Variants in CACNA1E observed in about 807,000 individuals in gnomAD.
CACNA1E encodes the protein calcium voltage-gated channel subunit alpha1 E.
CACNA1E carries 40 observed loss-of-function variants against 259.2 expected under a neutral mutation model. The observed-to-expected ratio is 0.15, with a 90% confidence interval of 0.12 to 0.20. The LOEUF (loss-of-function observed/expected upper bound fraction) is 0.20. Ranked by LOEUF, CACNA1E falls within the 10% of genes least tolerant of loss-of-function variation. The probability of loss-of-function intolerance (pLI) is 1.00; values close to 1 mark genes in which losing one functional copy is unlikely to be tolerated. For synonymous variants in CACNA1E, 1,104 were observed against 1,138.5 expected, an observed-to-expected ratio of 0.97 and a Z score of 0.61; for missense variants, 1,874 against 3,040.1, an observed-to-expected ratio of 0.62 and a Z score of 9.02.
intron 6 of CACNA1E, among the ~76,000 whole-genome samples, chr1:181,616,297 G>A (rs140524400): frequency 8.6e-4 from 131 of 152,182 alleles, no homozygotes; most frequent in South Asian, 2.9e-3. Flanking sequence ...TTCACCCATG[G>A]AGATATCTGG....
intron 17 of CACNA1E, among the ~76,000 whole-genome samples, chr1:181,725,468 A>G (rs1654815286): frequency 6.6e-6 from 1 of 152,248 alleles, no homozygotes; most frequent in Non-Finnish European, 1.5e-5. Flanking sequence ...AAACCATAGC[A>G]TGCTCTGAAG....
At chr1:181,418,468 C>CTAGGTT (rs1658452146) in intron 2 of CACNA1E, among the ~76,000 whole-genome samples, 1 of 152,192 alleles carries the variant, frequency 6.6e-6, no homozygotes, top group Non-Finnish European at 1.5e-5. Flanking sequence ...TGCCCAGTCC[C>CTAGGTT]AGACCTTTGG....
At chr1:181,683,808 T>C (rs2102279462) in intron 7 of CACNA1E, among the ~76,000 whole-genome samples, 1 of 152,358 alleles carries the variant, frequency 6.6e-6, no homozygotes, top group Admixed American at 6.5e-5. Flanking sequence ...ATGGTGTATA[T>C]GCACCACAAT....
intron 3 of CACNA1E, among the ~76,000 whole-genome samples, chr1:181,559,951 A>T (rs1006602187): frequency 2.0e-5 from 3 of 152,252 alleles, no homozygotes; most frequent in African/African-American, 7.2e-5. Flanking sequence ...ACCAGCTTTT[A>T]GGAGACTTCA....
chr1:181,586,366 T>G (rs1378776418), intron 6 of CACNA1E, among the ~76,000 whole-genome samples: 2 of 152,054 alleles, frequency 1.3e-5, no homozygotes, highest in African/African-American at 2.4e-5. Flanking sequence ...TTTGGGAGTT[T>G]TCAGTGTATA....
At chr1:181,365,541 G>A (rs1033648502) in intron 1 of CACNA1E, among the ~76,000 whole-genome samples, 2 of 152,256 alleles carry the variant, frequency 1.3e-5, no homozygotes, top group African/African-American at 4.8e-5. Context: ...GGTCAGGGCA[G>A]CTGCAGCCTA....
At chr1:181,475,162 T>C (rs892768045) in intron 2 of CACNA1E, among the ~76,000 whole-genome samples, 5 of 152,168 alleles carry the variant, frequency 3.3e-5, no homozygotes, top group Non-Finnish European at 7.3e-5. Context: ...ATCCATGCAT[T>C]CAGTGACAAT....
chr1:181,635,867 C>G lies in CACNA1E; in HGVS notation c.952-15471C>G, dbSNP rs192398235. ...CATCTATTCAGTGTGAAACACTGTA[C>G]TAGGTACTAGCTACCTAGAGAAACA... On this transcript the variant is annotated intron_variant, in intron 6 of 47. Transcript: ENST00000367573. Among the ~76,000 whole-genome samples the G allele has an allele frequency of 1.7e-3, 264 of 152,306 alleles. 1 individual carries two copies. The highest frequency in any genetic ancestry group is 6.8e-3 in the Middle Eastern group (2 of 294).
intron 1 of CACNA1E, among the ~76,000 whole-genome samples, chr1:181,497,351 G>A (rs933997311): frequency 2.6e-5 from 4 of 152,140 alleles, no homozygotes; most frequent in African/African-American, 9.7e-5. Context: ...CTGTGAAAAA[G>A]GCTGGGTGCA....
chr1:181,380,947 C>G (rs1655416994), intron 1 of CACNA1E, among the ~76,000 whole-genome samples: 1 of 152,188 alleles, frequency 6.6e-6, no homozygotes, highest in African/African-American at 2.4e-5. Context: ...GCGGGTGGAT[C>G]ACGAGGTCGG....
At chr1:181,594,746 G>A (rs1378836717) in intron 6 of CACNA1E, among the ~76,000 whole-genome samples, 1 of 152,136 alleles carries the variant, frequency 6.6e-6, no homozygotes, top group Admixed American at 6.5e-5. Context: ...ATGGTATTAG[G>A]CAAGTCACGT....
Position 181,755,234 on chromosome 1 carries a change from C to A in CACNA1E, c.3829-3C>A. Reference sequence around the variant, plus strand: ...ACAGCAGGGCTGTTTGCTCTGTCCACAGGCCGTCTTCGACTGCGTAGTGAC... The same window carrying A: ...ACAGCAGGGCTGTTTGCTCTGTCCAAAGGCCGTCTTCGACTGCGTAGTGAC... On this transcript the variant is annotated splice_polypyrimidine_tract_variant and splice_region_variant and intron_variant, in intron 27 of 47. Transcript: ENST00000367573. 1 of 1,613,122 alleles carries A rather than the reference C, an allele frequency of 6.2e-7. No homozygotes were observed. Among genetic ancestry groups the A allele is most frequent in the Non-Finnish European group, 8.5e-7 (1 of 1,179,388 alleles).
chr1:181,729,616 A>G (rs1206067619), intron 18 of CACNA1E, among the ~76,000 whole-genome samples: 1 of 152,174 alleles, frequency 6.6e-6, no homozygotes, highest in Non-Finnish European at 1.5e-5. Flanking sequence ...TGCCCTTCCT[A>G]TCCCACAAGG....
At chr1:181,430,432 A>G (rs190861822) in intron 2 of CACNA1E, among the ~76,000 whole-genome samples, 89 of 152,322 alleles carry the variant, frequency 5.8e-4, no homozygotes, top group African/African-American at 2.0e-3. Flanking sequence ...TTATCTGTGC[A>G]GCTGCGGGCA....
chr1:181,733,070 AC>A, intron 20 of CACNA1E, 36 bp downstream of exon 20: 1 of 1,531,706 alleles, frequency 6.5e-7, no homozygotes, highest in Non-Finnish European at 8.7e-7. Context: ...TGGATGGCAC[AC>A]AGGCTGCTGT....
At chr1:181,328,042 A>G (rs571554884) in intron 1 of CACNA1E, among the ~76,000 whole-genome samples, 3 of 152,328 alleles carry the variant, frequency 2.0e-5, no homozygotes, top group Middle Eastern at 3.4e-3. Flanking sequence ...GTCTTCACAT[A>G]GTTGCAGAAG....
intron 3 of CACNA1E, among the ~76,000 whole-genome samples, chr1:181,552,898 G>A (rs533962000): frequency 3.9e-4 from 60 of 152,240 alleles, no homozygotes; most frequent in Middle Eastern, 3.4e-3. Flanking sequence ...TTCGGTTACT[G>A]TAGCCTTGTA....
At chr1:181,619,786 G>T (rs1032195387) in intron 6 of CACNA1E, among the ~76,000 whole-genome samples, 1 of 152,250 alleles carries the variant, frequency 6.6e-6, no homozygotes, top group African/African-American at 2.4e-5. Flanking sequence ...AAGGGGGAGG[G>T]TCATGATTAT....
At chr1:181,756,798 C>CA (rs1179716857) in intron 29 of CACNA1E, 127 bp from the exon 30 acceptor site, 11 of 681,750 alleles carry the variant, frequency 1.6e-5, no homozygotes, top group East Asian at 7.7e-5. Flanking sequence ...GGTTTGGACT[C>CA]AAAAAAAATT....
Sources: allele counts gnomAD v4.1 joint callset (sites outside exome capture counted in the v4.1 genomes callset), GRCh38; gene constraint gnomAD v4.1.1; transcripts MANE v1.5; gene names NCBI Gene and HGNC (gene_info 2026-07-23, HGNC 2026-07-21).